NSL1: variants seen among roughly 807,000 people sequenced by gnomAD.
NSL1 encodes NSL1 component of MIS12 kinetochore complex.
NSL1 carries 11 observed loss-of-function variants against 25.4 expected under a neutral mutation model. That is an observed-to-expected ratio of 0.43 (90% CI 0.27 to 0.72). The LOEUF (loss-of-function observed/expected upper bound fraction) is 0.72. Among genes scored for constraint, NSL1 ranks in the 30% least tolerant of loss-of-function variants. NSL1 has a pLI of 0.19. For synonymous variants in NSL1, 118 were observed against 120.6 expected, an observed-to-expected ratio of 0.98 and a Z score of 0.14; for missense variants, 330 against 342.7, an observed-to-expected ratio of 0.96 and a Z score of 0.29.
intron 4 of NSL1, among the ~76,000 whole-genome samples, chr1:212,758,202 C>G (rs907990461): frequency 6.6e-6 from 1 of 152,118 alleles, no homozygotes; most frequent in Admixed American, 6.5e-5. Context: ...AAATAAACAT[C>G]TAGCTATACT....
At chr1:212,741,957 T>C (rs1658525188) in intron 4 of NSL1, among the ~76,000 whole-genome samples, 1 of 152,122 alleles carries the variant, frequency 6.6e-6, no homozygotes, top group Non-Finnish European at 1.5e-5. Context: ...TCCCACTGGG[T>C]CCTGCACAGT....
chr1:212,791,352 G>C (rs542378354), intron 1 of NSL1, among the ~76,000 whole-genome samples, 178 bp downstream of exon 1: 2 of 152,284 alleles, frequency 1.3e-5, no homozygotes, highest in African/African-American at 4.8e-5. Flanking sequence ...TAATTAATAA[G>C]ACCCAGCTGA....
intron 1 of NSL1, among the ~76,000 whole-genome samples, chr1:212,788,605 TTCG>T (rs1423720555): frequency 1.3e-5 from 2 of 152,220 alleles, no homozygotes; most frequent in African/African-American, 4.8e-5. Context: ...ACTAAAGGAA[TTCG>T]GCAGTACACA....
intron 4 of NSL1, among the ~76,000 whole-genome samples, chr1:212,772,369 G>A (rs1660159652): frequency 6.6e-6 from 1 of 152,004 alleles, no homozygotes; most frequent in African/African-American, 2.4e-5. Context: ...AATAGAGAAA[G>A]CAATCCTAGG....
intron 4 of NSL1, among the ~76,000 whole-genome samples, chr1:212,773,407 A>G (rs879604224): frequency 6.6e-6 from 1 of 152,190 alleles, no homozygotes; most frequent in Admixed American, 6.5e-5. Context: ...AAGACATGCA[A>G]ATAGCCAAAA....
At position 212,787,492 on chromosome 1, in the gene NSL1, G is replaced by C; in HGVS notation, c.313+67C>G. On this transcript the variant is annotated intron_variant, in intron 2 of 5. Transcript: ENST00000366977. ...CACTAAATATGGAGATTAAAAAACA[G>C]CATTCAAAACAAAATTAGCTGCAAA... 4 of 1,121,912 alleles carry C rather than the reference G, an allele frequency of 3.6e-6. No individual in the cohort carries two copies. The South Asian group carries it at 5.6e-5, about 16-fold the overall frequency. The allele number at this position is 1,121,912 out of a possible 1,614,324, so 69.5% of individuals were successfully genotyped here. A position where few individuals can be genotyped will look rare whatever the true frequency, so the allele number is the denominator to read the frequency against.
At chr1:212,774,519 A>G (rs1031432314) in intron 4 of NSL1, among the ~76,000 whole-genome samples, 5 of 149,958 alleles carry the variant, frequency 3.3e-5, no homozygotes, top group African/African-American at 9.7e-5. Flanking sequence ...TCCCTCAAAA[A>G]ACAAAGGATC....
chr1:212,731,937 C>A lies in NSL1; in HGVS notation c.*6471G>T. 1.0e-6 allele frequency: 1 copy of A among 985,432 alleles called. No homozygotes were observed. The highest frequency in any genetic ancestry group is 1.2e-6 in the Non-Finnish European group (1 of 829,928). The allele number at this position is 985,432 out of a possible 1,614,324, so 61.0% of individuals were successfully genotyped here. ...ATAAGGGCCTCCACACCCCACCTTA[C>A]TGCTTTAACCAATGTCCATCTAACT... On this transcript the variant is annotated 3_prime_UTR_variant, in exon 6 of 6. Transcript: ENST00000366977.
In NSL1 at chr1:212,791,507, G is replaced by C. The variant is rs776972562; in HGVS notation, c.234+23C>G. The C allele has an allele frequency of 3.8e-6, 6 of 1,595,370 alleles. No homozygotes were observed. In the South Asian group the frequency reaches 4.4e-5, roughly 12 times the overall value. On this transcript the variant is annotated intron_variant, in intron 1 of 5. Transcript: ENST00000366977. ...GTTGGGTAAGAGGATGATGAGTAAA[G>C]AACTGGCTAACTGGTCCCGTACCCA...
intron 4 of NSL1, among the ~76,000 whole-genome samples, chr1:212,775,827 G>T (rs68058483): frequency 0.59 from 87,776 of 148,644 alleles, 26,140 homozygotes; most frequent in Non-Finnish European, 0.67. Flanking sequence ...TAAATTGGTG[G>T]TTTTTTTTTG....
chr1:212,760,504 C>T lies in NSL1; in HGVS notation c.500-20903G>A, dbSNP rs989818278. On this transcript the variant is annotated intron_variant, in intron 4 of 5. Transcript: ENST00000366977. This position sits in a 1 kb window ranked among gnomAD's most constrained non-coding sequence, Gnocchi z 4.3. ...CTGGCCACTACTGCCGGCATCCACA[C>T]ACTCCTCCCCAGGGCTTGAGGACGG... 2.0e-5 allele frequency among the ~76,000 whole-genome samples: 3 copies of T among 152,092 alleles called. No individual in the cohort carries two copies. The highest frequency in any genetic ancestry group is 7.2e-5 in the African/African-American group (3 of 41,412).
Position 212,787,638 on chromosome 1 carries a change from C to G in NSL1, c.235-1G>C. On this transcript the variant is annotated splice_acceptor_variant, in intron 1 of 5. Coordinates refer to ENST00000366977, the MANE Select transcript of NSL1 (RefSeq NM_015471.4). LOFTEE classifies it high-confidence loss of function. ...TCTCTTGCACAGCTGATTCAAAAGT[C>G]TGCAATAAATTCACAGTAGTCAAGT... 1 of 1,590,362 alleles carries G rather than the reference C, an allele frequency of 6.3e-7. No homozygotes were observed. The highest frequency in any genetic ancestry group is 8.5e-7 in the Non-Finnish European group (1 of 1,169,622).
At position 212,782,367 on chromosome 1, in the gene NSL1, C is replaced by A; in HGVS notation, c.499+5G>T. 6.2e-7 allele frequency: 1 copy of A among 1,602,576 alleles called. No individual in the cohort carries two copies. The highest frequency in any genetic ancestry group is 8.6e-7 in the Non-Finnish European group (1 of 1,169,572). Reference sequence around the variant, plus strand: ...CATTTTTACCACAAATGGATACTGACTCACCTGGATCAGGGTCATATTTTA... The same window carrying A: ...CATTTTTACCACAAATGGATACTGAATCACCTGGATCAGGGTCATATTTTA... On this transcript the variant is annotated splice_donor_5th_base_variant and intron_variant, in intron 4 of 5. Coordinates refer to ENST00000366977, the MANE Select transcript of NSL1 (RefSeq NM_015471.4).
rs1658060845 is a variant in NSL1 at position 212,732,392 on chromosome 1, A to T, written c.*6016T>A. 1.4e-5 allele frequency: 7 copies of T among 513,732 alleles called. No homozygotes were observed. In the South Asian group the frequency reaches 5.2e-4, roughly 38 times the overall value. 31.8% of individuals were successfully genotyped at this position (513,732 alleles called of 1,614,324 possible). ...CGATGGCGTGATCTTGGCTCACTGC[A>T]ACCTCTGCCTCCTGGGTTCAAGCGA... On this transcript the variant is annotated 3_prime_UTR_variant, in exon 6 of 6. Coordinates refer to ENST00000366977, the MANE Select transcript of NSL1 (RefSeq NM_015471.4).
chr1:212,771,236 T>C (rs1020722233), intron 4 of NSL1, among the ~76,000 whole-genome samples: 1 of 152,056 alleles, frequency 6.6e-6, no homozygotes, highest in Non-Finnish European at 1.5e-5. Flanking sequence ...ATCACTTGAA[T>C]CTGGGAGGCA....
chr1:212,731,487 T>TC lies in NSL1; in HGVS notation c.*6920dup. On this transcript the variant is annotated 3_prime_UTR_variant, in exon 6 of 6. Transcript: ENST00000366977. The stretch of plus-strand genomic sequence containing the variant: ...GAAAAACTGAAACCCCGAGAAAGGT[T>TC]CTAGGGGATGATTTGTCTCTTAAAC... 1.0e-6 allele frequency: 1 copy of TC among 985,366 alleles called. No homozygotes were observed. Among genetic ancestry groups the TC allele is most frequent in the Non-Finnish European group, 1.2e-6 (1 of 829,912 alleles). The allele number at this position is 985,366 out of a possible 1,614,324, so 61.0% of individuals were successfully genotyped here.
intron 2 of NSL1, among the ~76,000 whole-genome samples, chr1:212,786,555 C>T (rs1196340209): frequency 6.6e-6 from 1 of 152,184 alleles, no homozygotes; most frequent in Non-Finnish European, 1.5e-5. Flanking sequence ...GGCCTGTAAT[C>T]CCAACACTTT....
chr1:212,790,633 G>A (rs1661168156), intron 1 of NSL1, among the ~76,000 whole-genome samples: 1 of 152,038 alleles, frequency 6.6e-6, no homozygotes, highest in African/African-American at 2.4e-5. Context: ...TAAAAATAAA[G>A]GTTAATAGGC....
At chr1:212,778,998 G>A (rs1238714388) in intron 4 of NSL1, among the ~76,000 whole-genome samples, 4 of 150,578 alleles carry the variant, frequency 2.7e-5, no homozygotes, top group Non-Finnish European at 5.9e-5. Context: ...AGTGAGGAGC[G>A]TCTCTGCCCG....
Sources: allele counts gnomAD v4.1 joint callset (sites outside exome capture counted in the v4.1 genomes callset), GRCh38; gene constraint gnomAD v4.1.1; non-coding constraint Gnocchi (gnomAD v3.1); transcripts MANE v1.5; gene names NCBI Gene and HGNC (gene_info 2026-07-23, HGNC 2026-07-21).